FHIT: variants seen among roughly 807,000 people sequenced by gnomAD.
FHIT encodes bis(5'-adenosyl)-triphosphatase.
Under a neutral mutation model 17.9 loss-of-function variants are expected in FHIT, and 19 were observed. That is an observed-to-expected ratio of 1.06 (90% CI 0.74 to 1.56). The LOEUF is 1.56. Ranked by LOEUF, FHIT falls within the 40% of genes most tolerant of loss-of-function variation. FHIT has a pLI of 0.00. For synonymous variants in FHIT, 81 were observed against 69.7 expected, an observed-to-expected ratio of 1.16 and a Z score of -0.81; for missense variants, 248 against 189.2, an observed-to-expected ratio of 1.31 and a Z score of -1.82.
intron 3 of FHIT, among the ~76,000 whole-genome samples, chr3:60,943,210 C>T (rs1334343327): frequency 1.3e-5 from 2 of 152,002 alleles, no homozygotes; most frequent in African/African-American, 4.8e-5. Flanking sequence ...ATGGTTAAAA[C>T]TCTCAGATTA....
intron 3 of FHIT, among the ~76,000 whole-genome samples, chr3:60,827,000 C>A (rs1702148813): frequency 6.6e-6 from 1 of 151,752 alleles, no homozygotes; most frequent in Non-Finnish European, 1.5e-5. Flanking sequence ...GTTTTCCCCC[C>A]ACAAAAAGAA....
chr3:59,815,174 T>A (rs1700553061), intron 8 of FHIT, among the ~76,000 whole-genome samples: 1 of 152,196 alleles, frequency 6.6e-6, no homozygotes, highest in South Asian at 2.1e-4. Flanking sequence ...AGGTCTTGTC[T>A]GTCTGTTTTT....
At chr3:60,642,646 G>C (rs971954567) in intron 4 of FHIT, among the ~76,000 whole-genome samples, 2 of 152,146 alleles carry the variant, frequency 1.3e-5, no homozygotes, top group Admixed American at 6.5e-5. Flanking sequence ...ATCACTCTGC[G>C]AAAGAGAAGA....
intron 5 of FHIT, among the ~76,000 whole-genome samples, chr3:60,284,457 C>G (rs1707619049): frequency 6.6e-6 from 1 of 152,074 alleles, no homozygotes; most frequent in East Asian, 1.9e-4. Context: ...AATCCTGAAA[C>G]CTATCCCACT....
intron 8 of FHIT, among the ~76,000 whole-genome samples, chr3:59,850,036 G>C (rs1701872134): frequency 6.6e-6 from 1 of 152,114 alleles, no homozygotes; most frequent in South Asian, 2.1e-4. Flanking sequence ...TTTCCAATGT[G>C]TTTTGAAATG....
At chr3:59,821,967 G>A (rs765964988) in intron 8 of FHIT, among the ~76,000 whole-genome samples, 13 of 152,062 alleles carry the variant, frequency 8.5e-5, no homozygotes, top group South Asian at 4.2e-4. Context: ...GCTTTCCCCC[G>A]AGTCTCCAAA....
chr3:60,575,816 A>T (rs1259184839), intron 4 of FHIT, among the ~76,000 whole-genome samples: 1 of 152,156 alleles, frequency 6.6e-6, no homozygotes, highest in South Asian at 2.1e-4. Context: ...AGTGCAAAGG[A>T]ACAATGAGGG....
Position 60,286,061 on chromosome 3 carries a change from A to T in FHIT, c.103+250799T>A, listed in dbSNP as rs565799184. On this transcript the variant is annotated intron_variant, in intron 5 of 9. Transcript: ENST00000492590. ...GAGGAAGCAGGGGTGGGGAGCACAC[A>T]CCAACATGCATGAGGTGAATGCTAT... 7.7e-4 allele frequency among the ~76,000 whole-genome samples: 117 copies of T among 152,256 alleles called. 1 individual carries two copies. The highest frequency in any genetic ancestry group is 7.1e-3 in the Admixed American group (109 of 15,292).
intron 2 of FHIT, among the ~76,000 whole-genome samples, chr3:61,173,548 C>G (rs904809082): frequency 6.6e-6 from 1 of 152,174 alleles, no homozygotes; most frequent in Admixed American, 6.5e-5. Context: ...TATACATATA[C>G]AGTCCATCAA....
At chr3:60,053,391 T>A (rs1468799918) in intron 5 of FHIT, among the ~76,000 whole-genome samples, 1 of 148,546 alleles carries the variant, frequency 6.7e-6, no homozygotes, top group Non-Finnish European at 1.5e-5. Flanking sequence ...AAAATGTCTG[T>A]CACATACGAG....
At chr3:60,304,186 G>C (rs1333896905) in intron 5 of FHIT, among the ~76,000 whole-genome samples, 2 of 151,594 alleles carry the variant, frequency 1.3e-5, no homozygotes, top group Admixed American at 6.6e-5. Flanking sequence ...AATTTCTGTG[G>C]CTCTTTTAAA....
intron 5 of FHIT, among the ~76,000 whole-genome samples, chr3:60,250,204 C>G (rs1015011476): frequency 1.3e-5 from 2 of 152,104 alleles, no homozygotes; most frequent in Admixed American, 6.6e-5. Flanking sequence ...GCACCTACAG[C>G]TGAGCAAGAT....
rs116547767 is a variant in FHIT at position 60,334,378 on chromosome 3, A to G, written c.103+202482T>C. On this transcript the variant is annotated intron_variant, in intron 5 of 9. Transcript: ENST00000492590. Reference sequence around the variant, plus strand: ...TTTAAAGGAGCAAATTCAGGACTCAACTAATAATACAAGAGTCTCTAGACT... The same window carrying G: ...TTTAAAGGAGCAAATTCAGGACTCAGCTAATAATACAAGAGTCTCTAGACT... Among the ~76,000 whole-genome samples the G allele has an allele frequency of 4.3e-3, 651 of 152,302 alleles. 1 individual carries two copies. The highest frequency in any genetic ancestry group is 0.015 in the African/African-American group (608 of 41,566).
At chr3:60,571,209 G>A (rs549344461) in intron 4 of FHIT, among the ~76,000 whole-genome samples, 17 of 151,346 alleles carry the variant, frequency 1.1e-4, no homozygotes, top group Middle Eastern at 3.4e-3. Context: ...GGTGATGTGC[G>A]CCTGTAATCC....
At chr3:59,924,350 C>T (rs1705551675) in intron 7 of FHIT, among the ~76,000 whole-genome samples, 1 of 152,152 alleles carries the variant, frequency 6.6e-6, no homozygotes, top group African/African-American at 2.4e-5. Context: ...CTTTCATCAT[C>T]TCCCTTATAC....
chr3:60,275,926 T>C (rs1707106967), intron 5 of FHIT, among the ~76,000 whole-genome samples: 1 of 152,198 alleles, frequency 6.6e-6, no homozygotes, highest in South Asian at 2.1e-4. Context: ...CCAGCAATTA[T>C]TGCTCTCCTT....
chr3:60,733,352 T>G (rs900564946), intron 4 of FHIT, among the ~76,000 whole-genome samples: 3 of 152,256 alleles, frequency 2.0e-5, no homozygotes. Context: ...TTCTAATTTT[T>G]GCTTGAAATC....
At chr3:60,372,865 A>G (rs1224832666) in intron 5 of FHIT, among the ~76,000 whole-genome samples, 1 of 152,162 alleles carries the variant, frequency 6.6e-6, no homozygotes, top group African/African-American at 2.4e-5. Context: ...TGAGTTCAGT[A>G]TATTCAGAGT....
chr3:59,814,470 G>C (rs1425055706), intron 8 of FHIT, among the ~76,000 whole-genome samples: 2 of 152,086 alleles, frequency 1.3e-5, no homozygotes, highest in Non-Finnish European at 2.9e-5. Flanking sequence ...TTAAGTTTTT[G>C]GTTGTATTTT....
Sources: allele counts gnomAD v4.1 joint callset (sites outside exome capture counted in the v4.1 genomes callset), GRCh38; gene constraint gnomAD v4.1.1; transcripts MANE v1.5; gene names NCBI Gene and HGNC (gene_info 2026-07-23, HGNC 2026-07-21).